Variants in PSMD6 observed in about 807,000 individuals in gnomAD.
PSMD6 encodes proteasome 26S subunit, non-ATPase 6, also known as 26S proteasome non-ATPase regulatory subunit 6.
A neutral mutation model predicts 44.9 loss-of-function variants in PSMD6; 7 were observed. That is an observed-to-expected ratio of 0.16 (90% CI 0.09 to 0.29). The LOEUF (loss-of-function observed/expected upper bound fraction) is 0.29. Ranked by LOEUF, PSMD6 falls within the 10% of genes least tolerant of loss-of-function variation. PSMD6 has a pLI of 1.00. For missense variants in PSMD6, 420 were observed against 482.6 expected (o/e 0.87, Z 1.21); for synonymous variants, 184 against 172.7 (o/e 1.07, Z -0.51).
At chr3:64,019,172 A>C (rs574465160) in intron 3 of PSMD6, 124 bp downstream of exon 3, 11 of 1,394,114 alleles carry the variant, frequency 7.9e-6, no homozygotes, top group Non-Finnish European at 1.1e-5. Flanking sequence ...TATTTTACTA[A>C]ATAAGTACAT....
At chr3:64,021,428 T>C (rs141018892) in intron 2 of PSMD6, among the ~76,000 whole-genome samples, 186 of 152,358 alleles carry the variant, frequency 1.2e-3, no homozygotes, top group Non-Finnish European at 2.1e-3. Flanking sequence ...TTCTGTAGAA[T>C]TAAAAATTTC....
intron 6 of PSMD6, chr3:64,012,018 C>T (rs1396264240): frequency 6.6e-6 from 1 of 152,048 alleles, no homozygotes; most frequent in Non-Finnish European, 1.5e-5. Flanking sequence ...GGAACAAAAC[C>T]TTGGGATACC....
rs367662104 is a variant in PSMD6, at chr3:64,018,603, T to C, written c.822A>G (p.Ser274=). The change falls in exon 5 of 8, where the codon TCA becomes TCG. Residue 274 remains serine, a synonymous_variant. Coordinates refer to ENST00000295901, the MANE Select transcript of PSMD6 (RefSeq NM_014814.3). ...AAATATCAACCCTATCCTTACCTAA[T>C]GATTGGAAGAAAACAGAGTAACGGC... ...YECRYSVFFQ[S]LAVVEQEMKK... is the part of the protein sequence containing the mutation. 8.6e-5 allele frequency: 133 copies of C among 1,548,894 alleles called. No individual in the cohort carries two copies. In the East Asian group the frequency reaches 2.7e-3, roughly 31 times the overall value.
At chr3:64,013,234 C>CATCT (rs1576025887) in intron 6 of PSMD6, 1 of 472,898 alleles carries the variant, frequency 2.1e-6, no homozygotes, top group East Asian at 3.4e-5. Flanking sequence ...CTCATCTTCC[C>CATCT]ATCTGTTAAT....
At chr3:64,022,265 T>G in intron 2 of PSMD6, 53 bp downstream of exon 2, 1 of 1,565,606 alleles carries the variant, frequency 6.4e-7, no homozygotes, top group Non-Finnish European at 8.8e-7. Flanking sequence ...CCTGGAATAG[T>G]CTCCAATTTT....
At chr3:64,011,474 A>T (rs2075949301) in intron 6 of PSMD6, 2 of 152,156 alleles carry the variant, frequency 1.3e-5, no homozygotes, top group Admixed American at 1.3e-4. Context: ...AAAAAAGGGG[A>T]TTTCATCTAA....
At chr3:64,020,072 G>A (rs1429468981) in intron 2 of PSMD6, 1 of 152,186 alleles carries the variant, frequency 6.6e-6, no homozygotes, top group Non-Finnish European at 1.5e-5. Context: ...AAAGGAACCA[G>A]GGATCCTAGG....
At position 64,023,441 on chromosome 3, in the gene PSMD6, T is replaced by A. The variant is rs143451892; in HGVS notation, c.-22A>T. ...GCATCGCGGCGAAGGGGACAGCGGCTGACAGGACACAACTTGGTTACGACC... is the reference window on the plus strand; with the variant it reads ...GCATCGCGGCGAAGGGGACAGCGGCAGACAGGACACAACTTGGTTACGACC... On this transcript the variant is annotated 5_prime_UTR_variant, in exon 1 of 8. Coordinates refer to ENST00000295901, the MANE Select transcript of PSMD6 (RefSeq NM_014814.3). 1,272 of 1,581,680 alleles carry A rather than the reference T, an allele frequency of 8.0e-4. 19 individuals are homozygous for A. In the East Asian group the frequency reaches 0.025, roughly 32 times the overall value.
chr3:64,010,794 A>C, intron 7 of PSMD6, 30 bp from the exon 8 acceptor site: 3 of 1,582,628 alleles, frequency 1.9e-6, no homozygotes, highest in Non-Finnish European at 2.6e-6. Context: ...AAAATGAATT[A>C]TTTACCAGTC....
chr3:64,023,356 G>A lies in PSMD6; in HGVS notation c.64C>T (p.Leu22=). The change falls in exon 1 of 8, where the codon CTG becomes TTG. Residue 22 remains leucine (L), a synonymous_variant. Transcript: ENST00000295901. ...PKNPDLRIAQ[L]RFLLSLPEHR... ...TCGGGCAGGCTGAGCAGGAAGCGCA[G>A]CTGCGCGATACGCAAGTCGGGGTTC... 6.2e-7 allele frequency: 1 copy of A among 1,611,572 alleles called. No homozygotes were observed. Among genetic ancestry groups the A allele is most frequent in the Non-Finnish European group, 8.5e-7 (1 of 1,178,884 alleles).
At chr3:64,012,742 CAGA>C (rs1287561698) in intron 6 of PSMD6, 4 of 152,320 alleles carry the variant, frequency 2.6e-5, no homozygotes, top group Admixed American at 1.3e-4. Flanking sequence ...TTTCTGCACG[CAGA>C]AGGACTCCAT....
At chr3:64,023,016 T>C (rs2106878751) in intron 1 of PSMD6, 1 of 1,421,318 alleles carries the variant, frequency 7.0e-7, no homozygotes, top group East Asian at 2.5e-5. Context: ...GGGTAAATAT[T>C]AATGCCTCAC....
At chr3:64,012,547 C>A (rs1010182344) in intron 6 of PSMD6, 2 of 152,232 alleles carry the variant, frequency 1.3e-5, no homozygotes, top group Non-Finnish European at 2.9e-5. Flanking sequence ...ATCAAACTTA[C>A]TTAAAACTCA....
At chr3:64,021,271 T>C (rs2076126160) in intron 2 of PSMD6, among the ~76,000 whole-genome samples, 1 of 152,198 alleles carries the variant, frequency 6.6e-6, no homozygotes, top group Non-Finnish European at 1.5e-5. Flanking sequence ...GAGCTAGCTC[T>C]ACAGTGGAAC....
At chr3:64,021,082 A>T (rs573345551) in intron 2 of PSMD6, among the ~76,000 whole-genome samples, 3 of 152,352 alleles carry the variant, frequency 2.0e-5, no homozygotes, top group Admixed American at 1.3e-4. Flanking sequence ...AGAAGAAAAA[A>T]AAAAACTGTT....
chr3:64,023,544 C>G, upstream of PSMD6: 2 of 1,410,482 alleles, frequency 1.4e-6, no homozygotes, highest in South Asian at 3.2e-5. Flanking sequence ...CCGTCTCCGC[C>G]GGCAGCGTCC....
intron 6 of PSMD6, chr3:64,012,123 CAT>C (rs891760764): frequency 6.6e-6 from 1 of 152,132 alleles, no homozygotes; most frequent in Non-Finnish European, 1.5e-5. Context: ...GGTTAAAAAA[CAT>C]AAAATGTATA....
chr3:64,019,002 T>G lies in PSMD6; in HGVS notation c.533A>C (p.Asn178Thr). The G allele has an allele frequency of 6.2e-7, 1 of 1,612,048 alleles. No individual in the cohort carries two copies. The highest frequency in any genetic ancestry group is 8.5e-7 in the Non-Finnish European group (1 of 1,178,142). The change falls in exon 4 of 8, where the codon AAC becomes ACC. Residue 178 changes from asparagine to threonine, a missense_variant. Transcript: ENST00000295901. ...IEEGGDWDRR[N>T]RLKVYQGLYC... ...AAGACCCTGATACACTTTTAGGCGG[T>G]TTCTCCTGTCCCAGTCTCCTCCTTC...
At chr3:64,023,508 G>A (rs2076168785), upstream of PSMD6, 1 of 1,433,204 alleles carries the variant, frequency 7.0e-7, no homozygotes, top group African/African-American at 1.5e-5. Flanking sequence ...GAATACGCCC[G>A]GCCGCCTGCG....
Sources: allele counts gnomAD v4.1 joint callset (sites outside exome capture counted in the v4.1 genomes callset), GRCh38; gene constraint gnomAD v4.1.1; transcripts MANE v1.5; gene names NCBI Gene and HGNC (gene_info 2026-07-23, HGNC 2026-07-21).